The following ANKS1B variants were observed in gnomAD, a reference collection of about 807,000 sequenced individuals.
The protein encoded by ANKS1B is ankyrin repeat and sterile alpha motif domain containing 1B.
In ANKS1B, 36 loss-of-function variants were observed where a neutral mutation model predicts 148.3. The observed-to-expected ratio is 0.24, with a 90% CI of 0.19 to 0.32. The LOEUF is 0.32. Among genes scored for constraint, ANKS1B ranks in the 10% least tolerant of loss-of-function variants. The probability of loss-of-function intolerance (pLI) is 1.00; values close to 1 mark genes in which losing one functional copy is unlikely to be tolerated. For missense variants in ANKS1B, 1,157 were observed against 1,542.6 expected (o/e 0.75, Z 4.19); for synonymous variants, 542 against 560.8 (o/e 0.97, Z 0.47).
At chr12:99,018,866 C>T (rs1171224583) in intron 17 of ANKS1B, among the ~76,000 whole-genome samples, 2 of 152,100 alleles carry the variant, frequency 1.3e-5, no homozygotes, top group Non-Finnish European at 2.9e-5. Context: ...TCATTTGAAC[C>T]CGGGAGGCAG....
At chr12:99,098,954 C>T (rs1324998936) in intron 15 of ANKS1B, among the ~76,000 whole-genome samples, 2 of 152,042 alleles carry the variant, frequency 1.3e-5, no homozygotes, top group East Asian at 1.9e-4. Context: ...GAAGGGACAA[C>T]GGAGCATGCG....
intron 17 of ANKS1B, among the ~76,000 whole-genome samples, chr12:99,041,156 G>A (rs1187097924): frequency 6.6e-6 from 1 of 152,140 alleles, no homozygotes; most frequent in Non-Finnish European, 1.5e-5. Context: ...GACAATTAAC[G>A]AAGGGGAAGA....
At chr12:99,640,049 A>G (rs1022203153) in intron 9 of ANKS1B, among the ~76,000 whole-genome samples, 15 of 152,028 alleles carry the variant, frequency 9.9e-5, no homozygotes, top group African/African-American at 3.6e-4. Flanking sequence ...GTGAGCACCT[A>G]TCATCCCAGC....
rs2098443939 is a variant in ANKS1B, at chr12:99,655,141, C to T, written c.1198G>A (p.Gly400Arg). 6.2e-7 allele frequency: 1 copy of T among 1,612,842 alleles called. No homozygotes were observed. The highest frequency in any genetic ancestry group is 8.5e-7 in the Non-Finnish European group (1 of 1,179,214). Residue 400 changes from glycine (G) to arginine (R), a missense_variant, in exon 9 of 27, where the codon GGG (glycine) becomes AGG (arginine). By Grantham distance (125) the Gly-to-Arg change is moderately radical. Around this residue, in one of 6 missense-constraint regions of ANKS1B, gnomAD observed 661 missense variants for 642.1 expected, o/e 1.03. Transcript: ENST00000683438. ...AATGCTTCCCAAAGTCCTGATGGCC[C>T]ACACGTATTTTCATCATCATCCTCT... ...EEEDDDENTC[G>R]PSGLWEALTP...
intron 8 of ANKS1B, among the ~76,000 whole-genome samples, chr12:99,655,789 C>A (rs1365999734): frequency 6.6e-6 from 1 of 151,910 alleles, no homozygotes; most frequent in Non-Finnish European, 1.5e-5. Flanking sequence ...AATGTTTACA[C>A]CATAAAAATA....
chr12:98,815,200 C>T (rs2099129680), intron 19 of ANKS1B, among the ~76,000 whole-genome samples: 1 of 152,146 alleles, frequency 6.6e-6, no homozygotes, highest in African/African-American at 2.4e-5. Flanking sequence ...CTTCCCTTGC[C>T]CCAACATCAC....
At chr12:99,517,427 A>G (rs1334007119) in intron 9 of ANKS1B, among the ~76,000 whole-genome samples, 1 of 151,954 alleles carries the variant, frequency 6.6e-6, no homozygotes, top group Admixed American at 6.6e-5. Flanking sequence ...TTTTCCAAAT[A>G]TAAGATCATG....
At position 98,838,305 on chromosome 12, in the gene ANKS1B, A is replaced by G. The variant is rs570465042; in HGVS notation, c.2779-6169T>C. Among the ~76,000 whole-genome samples, 5 of 152,338 alleles carry G rather than the reference A, an allele frequency of 3.3e-5. No homozygotes were observed. The South Asian group carries it at 6.2e-4, about 19-fold the overall frequency. Reference sequence around the variant, plus strand: ...AGACACAGCATAGAAAACACCAAAGAAGACTGCAAGAATCACACAAGTCAC... The same window carrying G: ...AGACACAGCATAGAAAACACCAAAGGAGACTGCAAGAATCACACAAGTCAC... On this transcript the variant is annotated intron_variant, in intron 17 of 26. Transcript: ENST00000683438.
At chr12:99,726,175 C>T (rs981118048) in intron 8 of ANKS1B, among the ~76,000 whole-genome samples, 5 of 151,798 alleles carry the variant, frequency 3.3e-5, no homozygotes, top group African/African-American at 4.8e-5. Flanking sequence ...ACAAAAAACC[C>T]TCAAAAAAAT....
chr12:99,713,074 G>A (rs2056849997), intron 8 of ANKS1B, among the ~76,000 whole-genome samples: 1 of 152,138 alleles, frequency 6.6e-6, no homozygotes, highest in Admixed American at 6.5e-5. Context: ...AAAACTTTGT[G>A]GGTCTCCCAC....
intron 1 of ANKS1B, among the ~76,000 whole-genome samples, chr12:99,889,747 A>G (rs1209405575): frequency 3.3e-5 from 5 of 152,226 alleles, no homozygotes; most frequent in Admixed American, 2.6e-4. Flanking sequence ...ATGAAAACCT[A>G]GTAACAAAGT....
intron 1 of ANKS1B, among the ~76,000 whole-genome samples, chr12:99,844,578 C>G (rs1014320279): frequency 5.3e-5 from 8 of 152,092 alleles, no homozygotes; most frequent in Non-Finnish European, 1.0e-4. Flanking sequence ...GTTCTCTATT[C>G]TGTTCCATTG....
intron 15 of ANKS1B, 86 bp from the exon 16 acceptor site, chr12:99,085,109 C>A: frequency 3.6e-6 from 4 of 1,116,308 alleles, no homozygotes; most frequent in Non-Finnish European, 5.2e-6. Flanking sequence ...CAGAGAAAAC[C>A]AGTGAGTGAC....
At chr12:99,387,387 G>A (rs962433337) in intron 12 of ANKS1B, among the ~76,000 whole-genome samples, 13 of 152,100 alleles carry the variant, frequency 8.5e-5, no homozygotes, top group Non-Finnish European at 4.4e-5. Flanking sequence ...GGAGGCCGAG[G>A]TGGGTGGATC....
intron 1 of ANKS1B, among the ~76,000 whole-genome samples, chr12:99,946,254 C>T (rs550559618): frequency 9.9e-5 from 15 of 152,258 alleles, no homozygotes; most frequent in African/African-American, 3.6e-4. Context: ...CCCAATTCTC[C>T]ATTCTTGGCT....
intron 9 of ANKS1B, among the ~76,000 whole-genome samples, chr12:99,619,787 C>A (rs1464672046): frequency 1.3e-5 from 2 of 152,136 alleles, no homozygotes; most frequent in East Asian, 3.9e-4. Flanking sequence ...TTCCCAACTC[C>A]ACACCTAGGC....
chr12:99,075,569 G>C (rs143638033), intron 16 of ANKS1B, among the ~76,000 whole-genome samples: 634 of 152,108 alleles, frequency 4.2e-3, no homozygotes, highest in Non-Finnish European at 6.9e-3. Context: ...CATTTATATA[G>C]CCCAAATAAC....
intron 17 of ANKS1B, among the ~76,000 whole-genome samples, chr12:98,876,443 T>C (rs1158009496): frequency 6.6e-6 from 1 of 152,226 alleles, no homozygotes; most frequent in Non-Finnish European, 1.5e-5. Context: ...CCTTGTAATC[T>C]ATCAATTAAT....
At chr12:99,857,445 T>C (rs550957760) in intron 1 of ANKS1B, among the ~76,000 whole-genome samples, 131 of 152,218 alleles carry the variant, frequency 8.6e-4, no homozygotes, top group African/African-American at 2.9e-3. Flanking sequence ...ATCAATATTG[T>C]GAAAATGACC....
Sources: gnomAD v4.1 joint callset for allele counts (sites outside exome capture counted in the v4.1 genomes callset) on GRCh38, gnomAD v4.1.1 for gene constraint, gnomAD v4.1.1 regional missense constraint, MANE v1.5 for transcripts, NCBI Gene and HGNC (gene_info 2026-07-23, HGNC 2026-07-21) for gene names.